SERINC3: variants seen among roughly 807,000 people sequenced by gnomAD.
SERINC3 encodes the protein serine incorporator 3.
Under a neutral mutation model 52.1 loss-of-function variants are expected in SERINC3, and 22 were observed. That is an observed-to-expected ratio of 0.42 (90% confidence interval 0.30 to 0.60). The LOEUF (loss-of-function observed/expected upper bound fraction) is 0.60. Among genes scored for constraint, SERINC3 ranks in the 20% least tolerant of loss-of-function variants. The pLI, the probability that SERINC3 is intolerant of heterozygous loss-of-function variation, is 0.16. For missense variants in SERINC3, 564 were observed against 584.6 expected (o/e 0.96, Z 0.36); for synonymous variants, 226 against 212.7 (o/e 1.06, Z -0.54).
intron 1 of SERINC3, among the ~76,000 whole-genome samples, chr20:44,521,500 T>G (rs903944219): frequency 6.6e-6 from 1 of 152,196 alleles, no homozygotes; most frequent in African/African-American, 2.4e-5. Context: ...CTCTGTAGTT[T>G]TGGCAAATCC....
At chr20:44,515,892 G>A (rs2064377405) in intron 1 of SERINC3, among the ~76,000 whole-genome samples, 1 of 151,992 alleles carries the variant, frequency 6.6e-6, no homozygotes, top group Non-Finnish European at 1.5e-5. Context: ...CTGAGCTCAG[G>A]CAATCCACCC....
At chr20:44,503,508 C>A (rs2064292480) in intron 8 of SERINC3, among the ~76,000 whole-genome samples, 1 of 152,146 alleles carries the variant, frequency 6.6e-6, no homozygotes, top group Non-Finnish European at 1.5e-5. Flanking sequence ...ATTAGCCAGG[C>A]ATAGTGGCAG....
At chr20:44,504,147 C>T (rs1258252471) in intron 7 of SERINC3, 152 bp from the exon 8 acceptor site, 4 of 521,320 alleles carry the variant, frequency 7.7e-6, no homozygotes, top group Non-Finnish European at 1.3e-5. Flanking sequence ...AGTAGTAACA[C>T]GTTTGGTCAC....
At position 44,498,577 on chromosome 20, in the gene SERINC3, A is replaced by C. The variant is rs2064261630; in HGVS notation, c.*1719T>G. ...GGCGACAGAGCAAGACTCCGTCTCA[A>C]AAAAAAAAATTAAAATTGAAAAAAA... On this transcript the variant is annotated 3_prime_UTR_variant, in exon 10 of 10. Transcript: ENST00000342374. 6.6e-6 allele frequency: 1 copy of C among 151,478 alleles called. No homozygotes were observed. Among genetic ancestry groups the C allele is most frequent in the South Asian group, 2.1e-4 (1 of 4,804 alleles). 9.4% of individuals were successfully genotyped at this position (151,478 alleles called of 1,614,324 possible).
intron 5 of SERINC3, among the ~76,000 whole-genome samples, chr20:44,507,743 G>A (rs1336089823): frequency 1.3e-5 from 2 of 152,082 alleles, no homozygotes; most frequent in African/African-American, 4.8e-5. Context: ...GTGGCATAAG[G>A]CTGTAGCCCC....
intron 8 of SERINC3, among the ~76,000 whole-genome samples, chr20:44,503,220 A>C (rs2064290656): frequency 6.6e-6 from 1 of 152,194 alleles, no homozygotes; most frequent in African/African-American, 2.4e-5. Context: ...TCCCTATAAA[A>C]ATCCCAGCTA....
chr20:44,502,418 C>G (rs2064285505), intron 8 of SERINC3, among the ~76,000 whole-genome samples: 1 of 151,334 alleles, frequency 6.6e-6, no homozygotes, highest in African/African-American at 2.4e-5. Context: ...AAGACTGTTC[C>G]TAAAAAGATT....
Position 44,512,765 on chromosome 20 carries a change from C to T in SERINC3, c.395+36G>A, listed in dbSNP as rs759960602. ...CTGCTGAAGGGAAGGAAGAGCCACACCATAATGTAACCAGTTAATCATAAA... is the reference window on the plus strand; with the variant it reads ...CTGCTGAAGGGAAGGAAGAGCCACATCATAATGTAACCAGTTAATCATAAA... On this transcript the variant is annotated intron_variant, in intron 3 of 9. Transcript: ENST00000342374. The T allele has an allele frequency of 2.0e-6, 3 of 1,503,966 alleles. 1 individual carries two copies. The highest frequency in any genetic ancestry group is 5.0e-5 in the East Asian group (2 of 39,644). The allele number at this position is 1,503,966 out of a possible 1,614,324, so 93.2% of individuals were successfully genotyped here.
chr20:44,502,295 T>C (rs1204376186), intron 8 of SERINC3, among the ~76,000 whole-genome samples: 3 of 152,278 alleles, frequency 2.0e-5, no homozygotes, highest in African/African-American at 4.8e-5. Flanking sequence ...GATCAATATA[T>C]AGAAATCAGG....
chr20:44,521,142 G>A (rs905615766), intron 1 of SERINC3, among the ~76,000 whole-genome samples: 5 of 152,214 alleles, frequency 3.3e-5, no homozygotes, highest in Non-Finnish European at 5.9e-5. Flanking sequence ...AACTGAGTGT[G>A]CTTTTTCTAC....
Position 44,512,998 on chromosome 20 carries a change from G to GA in SERINC3, c.202-5dup. The GA allele has an allele frequency of 6.7e-7, 1 of 1,487,120 alleles. No homozygotes were observed. The highest frequency in any genetic ancestry group is 8.9e-7 in the Non-Finnish European group (1 of 1,124,654). 92.1% of individuals were successfully genotyped at this position (1,487,120 alleles called of 1,614,324 possible). On this transcript the variant is annotated splice_region_variant and splice_polypyrimidine_tract_variant and intron_variant, in intron 2 of 9. Transcript: ENST00000342374. The stretch of plus-strand genomic sequence containing the variant: ...CCCCTTCACAAAATCCAGGAATCTG[G>GA]AAAAAAGCAATTTCAATGTTACGAG...
Position 44,509,884 on chromosome 20 carries a change from T to C in SERINC3, c.613+7A>G, listed in dbSNP as rs2064336540. The C allele has an allele frequency of 1.2e-6, 2 of 1,613,986 alleles. No homozygotes were observed. The highest frequency in any genetic ancestry group is 1.7e-6 in the Non-Finnish European group (2 of 1,179,856). On this transcript the variant is annotated splice_region_variant and intron_variant, in intron 5 of 9. Transcript: ENST00000342374. ...TATGGCTAACATAGGTGAGTAGAGATACCTACCAGCATACCACAACCTTGG... is the reference window on the plus strand; with the variant it reads ...TATGGCTAACATAGGTGAGTAGAGACACCTACCAGCATACCACAACCTTGG...
chr20:44,509,069 G>A (rs1356656290), intron 5 of SERINC3, among the ~76,000 whole-genome samples: 1 of 152,190 alleles, frequency 6.6e-6, no homozygotes, highest in Non-Finnish European at 1.5e-5. Context: ...TCTGTCCTAA[G>A]GAAATAATCA....
In SERINC3 at chr20:44,503,916, A is replaced by G. The variant is rs757907913; in HGVS notation, c.954T>C (p.Ala318=). The part of the protein sequence containing the change: ...APTLAPGNST[A]VVPTPTPPSK... ...ATGGTGGAGTAGGGGTAGGGACCAC[A>G]GCAGTTGAATTTCCAGGAGCCAGGG... Residue 318 remains alanine (A), a synonymous_variant, in exon 8 of 10, where the codon GCT becomes GCC. Transcript: ENST00000342374. 1 of 1,605,482 alleles carries G rather than the reference A, an allele frequency of 6.2e-7. No individual in the cohort carries two copies. Among genetic ancestry groups the G allele is most frequent in the South Asian group, 1.1e-5 (1 of 89,002 alleles).
chr20:44,506,359 C>T (rs1464142046), intron 6 of SERINC3, among the ~76,000 whole-genome samples: 2 of 150,336 alleles, frequency 1.3e-5, no homozygotes, highest in African/African-American at 2.4e-5. Context: ...CTTGGGAGGC[C>T]GAGGCGGGTG....
chr20:44,504,733 C>A, intron 7 of SERINC3, 68 bp downstream of exon 7: 1 of 1,295,720 alleles, frequency 7.7e-7, no homozygotes. Flanking sequence ...AGTTTTTGTA[C>A]CAACTATGTA....
At chr20:44,514,220 T>G (rs567507603) in intron 1 of SERINC3, among the ~76,000 whole-genome samples, 180 bp from the exon 2 acceptor site, 7 of 152,342 alleles carry the variant, frequency 4.6e-5, no homozygotes, top group African/African-American at 7.2e-5. Context: ...TGCCGCTTTT[T>G]ACCCCAGCAA....
chr20:44,501,056 TTGTCTG>T lies in SERINC3; in HGVS notation c.1283+11_1283+16del, dbSNP rs1432986682. On this transcript the variant is annotated intron_variant, in intron 9 of 9. Coordinates refer to ENST00000342374, the MANE Select transcript of SERINC3 (RefSeq NM_006811.4). ...AGGGTTTTATGGTCTTCTGTCTGTT[TTGTCTG>T]TGTCTCCTACCTGTACCAGCTGGTC... 1 of 1,587,364 alleles carries T rather than the reference TTGTCTG, an allele frequency of 6.3e-7. No individual in the cohort carries two copies. The highest frequency in any genetic ancestry group is 2.2e-5 in the East Asian group (1 of 44,754).
chr20:44,502,945 T>C (rs1449428106), intron 8 of SERINC3, among the ~76,000 whole-genome samples: 2 of 152,126 alleles, frequency 1.3e-5, no homozygotes, highest in East Asian at 1.9e-4. Context: ...AAAGTTAAGC[T>C]AAGAAAACAT....
Sources: gnomAD v4.1 joint callset for allele counts (sites outside exome capture counted in the v4.1 genomes callset) on GRCh38, gnomAD v4.1.1 for gene constraint, MANE v1.5 for transcripts, NCBI Gene and HGNC (gene_info 2026-07-23, HGNC 2026-07-21) for gene names.